The following BCAS1 variants were observed in gnomAD, a reference collection of about 807,000 sequenced individuals.
The protein encoded by BCAS1 is brain enriched myelin associated protein 1, also known as breast carcinoma-amplified sequence 1.
Under a neutral mutation model 65.4 loss-of-function variants are expected in BCAS1, and 46 were observed. The observed-to-expected ratio is 0.70, with a 90% CI of 0.55 to 0.90. The LOEUF (loss-of-function observed/expected upper bound fraction) is 0.90, where lower values mean the gene tolerates loss of function less well. Ranked by LOEUF, BCAS1 falls within the 40% of genes least tolerant of loss-of-function variation. BCAS1 has a pLI of 0.00. For missense variants in BCAS1, 793 were observed against 771.2 expected, an observed-to-expected ratio of 1.03 and a Z score of -0.33; for synonymous variants, 298 against 293.5, an observed-to-expected ratio of 1.02 and a Z score of -0.16.
Position 53,975,389 on chromosome 20 carries a change from A to G in BCAS1, c.1317T>C (p.Asn439=), listed in dbSNP as rs960109272. ...EDSVPTGAEE[N]VVCESPVEII... ...TTCTGCCGTGGTGTGTGTAACTTAC[A>G]TTCTCCTCCGCACCTGTGGGGACTG... is the stretch of plus-strand genomic sequence containing the variant. Residue 439 remains asparagine (N), a splice_region_variant and synonymous_variant, in exon 9 of 13, where the codon AAT becomes AAC. Transcript: ENST00000688948. 1 of 1,611,898 alleles carries G rather than the reference A, an allele frequency of 6.2e-7. No homozygotes were observed. The highest frequency in any genetic ancestry group is 8.5e-7 in the Non-Finnish European group (1 of 1,178,306).
chr20:54,040,525 G>A (rs1160743076), intron 3 of BCAS1, among the ~76,000 whole-genome samples: 3 of 151,282 alleles, frequency 2.0e-5, no homozygotes, highest in Middle Eastern at 3.2e-3. Context: ...GTGCAGCAAA[G>A]CAGCCAAATC....
At chr20:53,986,437 C>T (rs992317465) in intron 7 of BCAS1, among the ~76,000 whole-genome samples, 4 of 152,138 alleles carry the variant, frequency 2.6e-5, no homozygotes, top group African/African-American at 7.2e-5. Context: ...TATTGGTACT[C>T]ATAATTTTAA....
chr20:54,046,920 G>A (rs578011348), intron 3 of BCAS1, among the ~76,000 whole-genome samples: 1 of 152,056 alleles, frequency 6.6e-6, no homozygotes, highest in Non-Finnish European at 1.5e-5. Context: ...TGGAGCCACA[G>A]CTGGGGTGCC....
chr20:54,008,758 A>G (rs1392253177), intron 4 of BCAS1, among the ~76,000 whole-genome samples: 1 of 152,206 alleles, frequency 6.6e-6, no homozygotes, highest in African/African-American at 2.4e-5. Context: ...CAATCAACAG[A>G]TGTCAACCTG....
At chr20:53,991,964 C>G (rs1172994553) in intron 7 of BCAS1, among the ~76,000 whole-genome samples, 1 of 152,166 alleles carries the variant, frequency 6.6e-6, no homozygotes, top group African/African-American at 2.4e-5. Flanking sequence ...GGTGATGGTA[C>G]ATCTTTAACA....
intron 1 of BCAS1, among the ~76,000 whole-genome samples, chr20:54,061,158 C>A (rs528390868): frequency 1.3e-5 from 2 of 152,024 alleles, no homozygotes; most frequent in Non-Finnish European, 2.9e-5. Flanking sequence ...ATGAGGTAGC[C>A]GAAACTCGAG....
chr20:54,026,600 G>T (rs1182917672), intron 4 of BCAS1, among the ~76,000 whole-genome samples: 1 of 152,164 alleles, frequency 6.6e-6, no homozygotes, highest in Non-Finnish European at 1.5e-5. Context: ...GATAGGCTTT[G>T]GATGCCCAAG....
At chr20:53,980,347 T>C (rs1004914464) in intron 8 of BCAS1, among the ~76,000 whole-genome samples, 2 of 152,224 alleles carry the variant, frequency 1.3e-5, no homozygotes, top group African/African-American at 2.4e-5. Flanking sequence ...AGACAGCTCC[T>C]TGCAATATGT....
At chr20:53,951,957 G>T (rs1275596594) in intron 12 of BCAS1, among the ~76,000 whole-genome samples, 1 of 152,134 alleles carries the variant, frequency 6.6e-6, no homozygotes, top group Non-Finnish European at 1.5e-5. Context: ...AATATTTTTG[G>T]AAGAAAAATG....
Position 53,944,033 on chromosome 20 carries a change from C to A in BCAS1, c.*889G>T, listed in dbSNP as rs2089228229. 1 of 151,952 alleles carries A rather than the reference C, an allele frequency of 6.6e-6. No individual in the cohort carries two copies. Among genetic ancestry groups the A allele is most frequent in the African/African-American group, 2.4e-5 (1 of 41,326 alleles). The allele number at this position is 151,952 out of a possible 1,614,324, so 9.4% of individuals were successfully genotyped here. ...CTCAAAAGCAATTGTTTTCCCAAAT[C>A]ATTTTAAGCCCTCCCCAGTCAATCT... On this transcript the variant is annotated 3_prime_UTR_variant, in exon 13 of 13. Coordinates refer to ENST00000688948, the MANE Select transcript of BCAS1 (RefSeq NM_001366298.2).
At chr20:54,008,995 G>A (rs1486223598) in intron 4 of BCAS1, among the ~76,000 whole-genome samples, 1 of 152,068 alleles carries the variant, frequency 6.6e-6, no homozygotes, top group Non-Finnish European at 1.5e-5. Flanking sequence ...TGCATTTTTA[G>A]TAGAGATGGG....
chr20:54,065,159 T>TCTATCTATCTAC (rs1424005408), intron 1 of BCAS1, among the ~76,000 whole-genome samples: 1 of 128,862 alleles, frequency 7.8e-6, no homozygotes, highest in Non-Finnish European at 1.7e-5. Context: ...TATCTATCTA[T>TCTATCTATCTAC]CTATCATCTA....
At chr20:53,973,264 A>T (rs942245763) in intron 9 of BCAS1, among the ~76,000 whole-genome samples, 1 of 152,150 alleles carries the variant, frequency 6.6e-6, no homozygotes, top group Non-Finnish European at 1.5e-5. Flanking sequence ...AGAAAAAAAG[A>T]AGATGAAATA....
chr20:54,056,589 C>T (rs566241078), intron 3 of BCAS1, among the ~76,000 whole-genome samples: 5 of 152,036 alleles, frequency 3.3e-5, no homozygotes, highest in African/African-American at 9.6e-5. Context: ...CCACTTGTAC[C>T]CTAAAGCTAT....
chr20:53,977,903 T>C (rs1261779446), intron 8 of BCAS1, among the ~76,000 whole-genome samples: 1 of 152,090 alleles, frequency 6.6e-6, no homozygotes, highest in Non-Finnish European at 1.5e-5. Flanking sequence ...TTTATTATTA[T>C]TATACTTTAA....
intron 1 of BCAS1, among the ~76,000 whole-genome samples, chr20:54,059,062 C>T (rs1568931896): frequency 6.6e-6 from 1 of 152,190 alleles, no homozygotes; most frequent in Non-Finnish European, 1.5e-5. Context: ...ACCATCAGAT[C>T]TCGCGAGACT....
intron 8 of BCAS1, among the ~76,000 whole-genome samples, chr20:53,976,301 C>T (rs1037251298): frequency 3.3e-5 from 5 of 152,186 alleles, no homozygotes; most frequent in Non-Finnish European, 5.9e-5. Context: ...ACTCTCCTCC[C>T]AGAGAAATGC....
At chr20:53,975,515 C>T in intron 8 of BCAS1, 85 bp from the exon 9 acceptor site, 1 of 1,147,226 alleles carries the variant, frequency 8.7e-7, no homozygotes, top group Non-Finnish European at 1.3e-6. Flanking sequence ...TAGTTGGGCT[C>T]ACAGTCTTGG....
chr20:54,046,859 G>T (rs973956437), intron 3 of BCAS1, among the ~76,000 whole-genome samples: 7 of 105,298 alleles, frequency 6.6e-5, no homozygotes, highest in South Asian at 3.2e-4. Context: ...AAAAAAAAAA[G>T]AATTCAGGCA....
Sources: gnomAD v4.1 joint callset for allele counts (sites outside exome capture counted in the v4.1 genomes callset) on GRCh38, gnomAD v4.1.1 for gene constraint, MANE v1.5 for transcripts, NCBI Gene and HGNC (gene_info 2026-07-23, HGNC 2026-07-21) for gene names.